Variants in TET2 observed in about 807,000 individuals in gnomAD.
The protein encoded by TET2 is methylcytosine dioxygenase TET2.
Under a neutral mutation model 142.9 loss-of-function variants are expected in TET2, and 299 were observed. The ratio of observed to expected loss-of-function variants is 2.09; its 90% CI spans 1.90 to 2.30. The LOEUF (loss-of-function observed/expected upper bound fraction) is 2.30, where lower values mean the gene tolerates loss of function less well. Ranked by LOEUF, TET2 falls within the 30% of genes most tolerant of loss-of-function variation. TET2 has a pLI of 0.00. For synonymous variants in TET2, 819 were observed against 849.0 expected, an observed-to-expected ratio of 0.96 and a Z score of 0.61; for missense variants, 2,418 against 2,378.0, an observed-to-expected ratio of 1.02 and a Z score of -0.35.
rs757734801 is a variant in TET2 at position 105,235,568 on chromosome 4, G to T, written c.1626G>T (p.Lys542Asn). ...LMRNKEQEILKGRDKEQTRDL... is the reference protein window; with the variant it reads ...LMRNKEQEILNGRDKEQTRDL... ...GAAACAAAGAGCAAGAGATTCTGAA[G>T]GGTCGAGACAAGGAGCAAACACGAG... Residue 542 changes from lysine (K) to asparagine (N), a missense_variant, in exon 3 of 11, where the codon AAG (lysine) becomes AAT (asparagine). By Grantham distance (94) the Lys-to-Asn change is moderately conservative. Transcript: ENST00000380013. 1.9e-6 allele frequency: 3 copies of T among 1,614,172 alleles called. No homozygotes were observed. The highest frequency in any genetic ancestry group is 2.5e-6 in the Non-Finnish European group (3 of 1,180,014).
chr4:105,194,601 T>C (rs1459529495), intron 2 of TET2, among the ~76,000 whole-genome samples: 3 of 152,146 alleles, frequency 2.0e-5, no homozygotes, highest in Non-Finnish European at 2.9e-5. Flanking sequence ...GTCATTCTTA[T>C]GAACTAAAAT....
chr4:105,229,652 T>TAA (rs547463581), intron 2 of TET2, among the ~76,000 whole-genome samples: 2 of 141,342 alleles, frequency 1.4e-5, no homozygotes, highest in Non-Finnish European at 3.1e-5. Flanking sequence ...GGAAGTTATT[T>TAA]AAAAAAAAAA....
At chr4:105,241,042 T>G (rs1729268527) in intron 3 of TET2, 1 of 1,066,638 alleles carries the variant, frequency 9.4e-7, no homozygotes, top group African/African-American at 1.7e-5. Context: ...ATATAATACA[T>G]TCTAATTCCC....
rs146131612 is a variant in TET2, at chr4:105,277,179, A to G, written c.*660A>G. On this transcript the variant is annotated 3_prime_UTR_variant, in exon 11 of 11. Transcript: ENST00000380013. Reference sequence around the variant, plus strand: ...AATGCCTTTATATCATCAAGATGCTATCAGTGTACTCCAGTGCCCTTGAAT... The same window carrying G: ...AATGCCTTTATATCATCAAGATGCTGTCAGTGTACTCCAGTGCCCTTGAAT... The G allele has an allele frequency of 5.4e-3, 1,247 of 230,032 alleles. 6 individuals are homozygous for G. The highest frequency in any genetic ancestry group is 0.018 in the East Asian group (283 of 16,034). 14.2% of individuals were successfully genotyped at this position (230,032 alleles called of 1,614,324 possible). A position where few individuals can be genotyped will look rare whatever the true frequency, so the allele number is the denominator to read the frequency against.
intron 2 of TET2, among the ~76,000 whole-genome samples, chr4:105,204,230 T>TACACACAC (rs1250312543): frequency 2.0e-5 from 2 of 100,552 alleles, no homozygotes; most frequent in African/African-American, 8.3e-5. Context: ...AAAAAAAAAA[T>TACACACAC]ATATACACAC....
chr4:105,267,212 A>G (rs982265746), intron 8 of TET2, among the ~76,000 whole-genome samples: 5 of 152,100 alleles, frequency 3.3e-5, no homozygotes, highest in African/African-American at 1.2e-4. Flanking sequence ...GAAAGAATTC[A>G]CCACCAACAA....
In TET2 at chr4:105,236,567, GC is replaced by G. The variant is rs1462060092; in HGVS notation, c.2626del (p.Gln876LysfsTer45). ...ATTTTCCAAATAATGTGATCCCAAA[GC>G]AAGATCTTCTTCACAGGTGCTTTCA... ...QYFPNNVIPK[Q>X]DLLHRCFQEQ... On this transcript the variant is annotated frameshift_variant, in exon 3 of 11. Coordinates refer to ENST00000380013, the MANE Select transcript of TET2 (RefSeq NM_001127208.3). LOFTEE classifies it high-confidence loss of function. The G allele has an allele frequency of 6.2e-7, 1 of 1,614,126 alleles. No homozygotes were observed. The highest frequency in any genetic ancestry group is 8.5e-7 in the Non-Finnish European group (1 of 1,180,010).
chr4:105,242,022 T>C, intron 4 of TET2: 1 of 1,240,036 alleles, frequency 8.1e-7, no homozygotes, highest in Non-Finnish European at 1.0e-6. Context: ...ATGAGCGAGA[T>C]AATGCAGAGA....
At chr4:105,206,503 T>C (rs1726835123) in intron 2 of TET2, among the ~76,000 whole-genome samples, 1 of 152,196 alleles carries the variant, frequency 6.6e-6, no homozygotes. Context: ...CCTGTTAGTT[T>C]TGTCTATCAC....
chr4:105,276,838 T>TTCCCCCC lies in TET2; in HGVS notation c.*319_*320insTCCCCCC, dbSNP rs1553918709. The TTCCCCCC allele has an allele frequency of 2.8e-5, 4 of 144,462 alleles. No individual in the cohort carries two copies. Among genetic ancestry groups the TTCCCCCC allele is most frequent in the African/African-American group, 8.1e-5 (2 of 24,658 alleles). The allele number at this position is 144,462 out of a possible 1,614,324, so 8.9% of individuals were successfully genotyped here. ...TGGACGAGATGATATGTAAATGTGA[T>TTCCCCCC]CCCCCCCCCCCGCTTACAACTCTAC... On this transcript the variant is annotated 3_prime_UTR_variant, in exon 11 of 11. Coordinates refer to ENST00000380013, the MANE Select transcript of TET2 (RefSeq NM_001127208.3).
At chr4:105,259,553 T>C in intron 6 of TET2, 66 bp from the exon 7 acceptor site, 1 of 1,465,290 alleles carries the variant, frequency 6.8e-7, no homozygotes, top group Non-Finnish European at 9.2e-7. Context: ...TAGACACCTA[T>C]AATATCAGCT....
chr4:105,187,179 GT>G (rs1236076531), intron 1 of TET2, among the ~76,000 whole-genome samples: 2 of 152,156 alleles, frequency 1.3e-5, no homozygotes. Context: ...AGTTAAAAAT[GT>G]GATACCAACT....
intron 1 of TET2, among the ~76,000 whole-genome samples, chr4:105,176,565 TTGTATA>T (rs1434775106): frequency 6.6e-6 from 1 of 152,170 alleles, no homozygotes; most frequent in Non-Finnish European, 1.5e-5. Flanking sequence ...TGAAATACTT[TTGTATA>T]AATCTAACAG....
intron 8 of TET2, among the ~76,000 whole-genome samples, chr4:105,265,484 C>G (rs770634001): frequency 6.6e-6 from 1 of 152,174 alleles, no homozygotes; most frequent in Non-Finnish European, 1.5e-5. Context: ...GATTGTATAT[C>G]TGTTTTTGTT....
At chr4:105,201,781 GC>G (rs1402455374) in intron 2 of TET2, among the ~76,000 whole-genome samples, 2 of 105,320 alleles carry the variant, frequency 1.9e-5, no homozygotes, top group Non-Finnish European at 3.5e-5. Flanking sequence ...CACTCCTGTT[GC>G]CCAGACTGCG....
chr4:105,154,071 C>T (rs972328430), intron 1 of TET2, among the ~76,000 whole-genome samples: 5 of 152,108 alleles, frequency 3.3e-5, no homozygotes, highest in Admixed American at 1.3e-4. Context: ...TTTTAAGTAA[C>T]GTCCAGAATA....
At chr4:105,151,319 T>G (rs566765845) in intron 1 of TET2, among the ~76,000 whole-genome samples, 7 of 152,140 alleles carry the variant, frequency 4.6e-5, no homozygotes, top group African/African-American at 1.7e-4. Flanking sequence ...AGACCCTATC[T>G]CAAACAGCGA....
chr4:105,225,092 TTA>T (rs1369676955), intron 2 of TET2, among the ~76,000 whole-genome samples: 4 of 152,038 alleles, frequency 2.6e-5, no homozygotes, highest in African/African-American at 9.7e-5. Flanking sequence ...AACTTTAGCA[TTA>T]TGTTTTGTTC....
chr4:105,209,096 T>C (rs1376903279), intron 2 of TET2, among the ~76,000 whole-genome samples: 2 of 126,618 alleles, frequency 1.6e-5, no homozygotes, highest in African/African-American at 6.0e-5. Flanking sequence ...TATATATATA[T>C]ATGTTTGAGC....
Sources: allele counts gnomAD v4.1 joint callset (sites outside exome capture counted in the v4.1 genomes callset), GRCh38; gene constraint gnomAD v4.1.1; transcripts MANE v1.5; gene names NCBI Gene and HGNC (gene_info 2026-07-23, HGNC 2026-07-21).